Variants in POTEF observed in about 807,000 individuals in gnomAD.
POTEF encodes the protein ANKRD26-like family C member 1B.
In POTEF, 20 loss-of-function variants were observed where a neutral mutation model predicts 83.2. The observed-to-expected ratio is 0.24, with a 90% CI of 0.17 to 0.35. The LOEUF is 0.35. POTEF is among the 10% of genes least tolerant of loss of function. The pLI, the probability that POTEF is intolerant of heterozygous loss-of-function variation, is 1.00. For synonymous variants in POTEF, 196 were observed against 446.4 expected (o/e 0.44, Z 7.07); for missense variants, 550 against 1,203.2 (o/e 0.46, Z 8.03).
Position 130,120,491 on chromosome 2 carries a change from G to C in POTEF, c.25C>G (p.Pro9Ala). ...GGCTTCTTCACAGAAGAGGCAGCCGGCATGGAATCAACCTCAACCACCATC... is the reference window on the plus strand; with the variant it reads ...GGCTTCTTCACAGAAGAGGCAGCCGCCATGGAATCAACCTCAACCACCATC... MVVEVDSM[P>A]AASSVKKPFG... is the part of the protein sequence containing the mutation. Residue 9 changes from proline to alanine, a missense_variant, in exon 3 of 17, where the codon CCG (proline) becomes GCG (alanine). By Grantham distance (27) the Pro-to-Ala change is conservative. Coordinates refer to ENST00000409914, the MANE Select transcript of POTEF (RefSeq NM_001099771.2). 6.2e-7 allele frequency: 1 copy of C among 1,613,260 alleles called. No individual in the cohort carries two copies. The highest frequency in any genetic ancestry group is 1.7e-5 in the Admixed American group (1 of 60,002).
intron 13 of POTEF, among the ~76,000 whole-genome samples, chr2:130,086,673 TCTCA>T (rs1170685186): frequency 3.7e-4 from 7 of 18,710 alleles, no homozygotes; most frequent in African/African-American, 1.3e-3. Context: ...AACTTAACTT[TCTCA>T]CTATTTGTTT....
At chr2:130,119,349 G>C (rs1309839425) in intron 3 of POTEF, among the ~76,000 whole-genome samples, 2 of 151,698 alleles carry the variant, frequency 1.3e-5, no homozygotes, top group African/African-American at 4.9e-5. Context: ...ATATTTTTTA[G>C]TAGAGACAGG....
chr2:130,094,932 A>T (rs1254570190), intron 11 of POTEF, among the ~76,000 whole-genome samples: 7 of 150,598 alleles, frequency 4.6e-5, no homozygotes, highest in Admixed American at 4.0e-4. Context: ...AAAAAAATTA[A>T]TATAAAGAAT....
rs555264133 is a variant in POTEF, at chr2:130,115,422, A to G, written c.522-94T>C. Reference sequence around the variant, plus strand: ...AACTGCAAACACTGAATAGCCTGCTATTACTCTGCCTTCAAAACAAACATT... The same window carrying G: ...AACTGCAAACACTGAATAGCCTGCTGTTACTCTGCCTTCAAAACAAACATT... On this transcript the variant is annotated intron_variant, in intron 3 of 16. Transcript: ENST00000409914. The G allele has an allele frequency of 7.4e-5, 91 of 1,234,388 alleles. No homozygotes were observed. The East Asian group carries it at 7.9e-4, about 11-fold the overall frequency. 76.5% of individuals were successfully genotyped at this position (1,234,388 alleles called of 1,614,324 possible). A position where few individuals can be genotyped will look rare whatever the true frequency, so the allele number is the denominator to read the frequency against.
intron 2 of POTEF, among the ~76,000 whole-genome samples, chr2:130,125,735 A>G (rs1159064076): frequency 1.3e-5 from 2 of 151,958 alleles, no homozygotes; most frequent in Non-Finnish European, 2.9e-5. Context: ...GTGAAACCCC[A>G]TCTCTACTAA....
intron 8 of POTEF, among the ~76,000 whole-genome samples, chr2:130,102,895 A>C (rs1684413248): frequency 6.6e-6 from 1 of 151,490 alleles, no homozygotes; most frequent in Non-Finnish European, 1.5e-5. Context: ...TTTCGGATGC[A>C]AATCTGCTGA....
chr2:130,108,160 G>C, intron 7 of POTEF, 81 bp from the exon 8 acceptor site: 2 of 1,495,502 alleles, frequency 1.3e-6, no homozygotes, highest in Non-Finnish European at 1.8e-6. Flanking sequence ...ATTATTAAGA[G>C]TATTTCAAAC....
chr2:130,102,966 C>T (rs2407445), intron 8 of POTEF, among the ~76,000 whole-genome samples: 10 of 151,452 alleles, frequency 6.6e-5, no homozygotes, highest in East Asian at 3.9e-4. Context: ...CTGCCTCCTG[C>T]TTTCTGCAAC....
chr2:130,125,894 G>A (rs1459055612), intron 2 of POTEF, among the ~76,000 whole-genome samples: 28 of 149,508 alleles, frequency 1.9e-4, no homozygotes, highest in African/African-American at 6.2e-4. Flanking sequence ...GGACAAGAGC[G>A]AGACTTCATC....
intron 5 of POTEF, among the ~76,000 whole-genome samples, chr2:130,113,089 A>T (rs1255839258): frequency 7.0e-6 from 1 of 143,688 alleles, no homozygotes; most frequent in East Asian, 2.0e-4. Flanking sequence ...ACAGAGATAA[A>T]AGTCAGACTA....
At chr2:130,120,789 CA>C (rs1308855927) in intron 2 of POTEF, 181 bp from the exon 3 acceptor site, 4 of 598,498 alleles carry the variant, frequency 6.7e-6, no homozygotes, top group Non-Finnish European at 1.2e-5. Context: ...ACACCCAGCC[CA>C]CCCAAGGGAA....
In POTEF at chr2:130,075,566, G is replaced by C. The variant is rs749231702; in HGVS notation, c.1906C>G (p.Leu636Val). The C allele has an allele frequency of 5.6e-6, 9 of 1,609,396 alleles. No homozygotes were observed. Among genetic ancestry groups the C allele is most frequent in the African/African-American group, 1.4e-5 (1 of 73,896 alleles). Residue 636 changes from leucine to valine, a missense_variant, in exon 17 of 17, where the codon CTT (leucine) becomes GTT (valine). Leu to Val is a conservative substitution (Grantham distance 32). Transcript: ENST00000409914. Reference protein sequence around the residue: ...VVEKMNSELSLSCKKEKDILH... With the variant: ...VVEKMNSELSVSCKKEKDILH... ...ATGTCTTTTTCTTTCTTACAACTAA[G>C]AGAAAGCTAAGTAAACAAAGAGAAC...
intron 1 of POTEF, among the ~76,000 whole-genome samples, chr2:130,128,143 C>G (rs1348796544): frequency 1.3e-5 from 2 of 148,202 alleles, no homozygotes; most frequent in Non-Finnish European, 3.0e-5. Flanking sequence ...GCCCTCCCCA[C>G]TCAACTGCTG....
At chr2:130,107,677 G>A (rs1684580139) in intron 8 of POTEF, 2 of 327,430 alleles carry the variant, frequency 6.1e-6, no homozygotes, top group Non-Finnish European at 1.1e-5. Context: ...GCCCATCTGA[G>A]GGATCTAGGT....
Position 130,073,955 on chromosome 2 carries a change from C to T in POTEF, c.*289G>A. 3.4e-6 allele frequency: 2 copies of T among 580,542 alleles called. No homozygotes were observed. The highest frequency in any genetic ancestry group is 2.1e-5 in the South Asian group (1 of 48,710). The allele number at this position is 580,542 out of a possible 1,614,324, so 36.0% of individuals were successfully genotyped here. ...AGAAGTGGGGTGGCTTTTAGCAGGG[C>T]AAGGGGCTTCCTGAAACAATGCGTC... On this transcript the variant is annotated 3_prime_UTR_variant, in exon 17 of 17. Transcript: ENST00000409914.
rs549492111 is a variant in POTEF, at chr2:130,104,066, C to G, written c.1127-1886G>C. 1.7e-4 allele frequency among the ~76,000 whole-genome samples: 25 copies of G among 149,200 alleles called. 1 individual carries two copies. Among genetic ancestry groups the G allele is most frequent in the Admixed American group, 4.6e-4 (7 of 15,112 alleles). Reference sequence around the variant, plus strand: ...CACTTTAAATGCCAAAACCAATATTCCTACTGAACAATTATTCATTAAGAC... The same window carrying G: ...CACTTTAAATGCCAAAACCAATATTGCTACTGAACAATTATTCATTAAGAC... On this transcript the variant is annotated intron_variant, in intron 8 of 16. Coordinates refer to ENST00000409914, the MANE Select transcript of POTEF (RefSeq NM_001099771.2).
At position 130,127,700 on chromosome 2, in the gene POTEF, C is replaced by A. The variant is rs1685131283; in HGVS notation, c.-94+9G>T. 6.6e-6 allele frequency: 1 copy of A among 151,314 alleles called. No homozygotes were observed. The highest frequency in any genetic ancestry group is 2.5e-5 in the African/African-American group (1 of 39,956). 9.4% of individuals were successfully genotyped at this position (151,314 alleles called of 1,614,324 possible). ...TCCTACCACCTTGCCCCCGCGGGCA[C>A]CCTCCTACCACTCCTGTCGAGCTGC... On this transcript the variant is annotated intron_variant, in intron 2 of 16. Coordinates refer to ENST00000409914, the MANE Select transcript of POTEF (RefSeq NM_001099771.2).
intron 11 of POTEF, among the ~76,000 whole-genome samples, chr2:130,099,009 G>T (rs1684325532): frequency 1.3e-5 from 1 of 77,580 alleles, no homozygotes; most frequent in South Asian, 3.6e-4. Context: ...CTCATTACTG[G>T]GAACTAAATA....
At position 130,126,905 on chromosome 2, in the gene POTEF, G is replaced by C. The variant is rs180893258; in HGVS notation, c.-94+804C>G. ...ATGAAGAGGAACAAGAAGATGAGAA[G>C]AATACACAGACTAGAATAAGCAAAA... On this transcript the variant is annotated intron_variant, in intron 2 of 16. Coordinates refer to ENST00000409914, the MANE Select transcript of POTEF (RefSeq NM_001099771.2). Among the ~76,000 whole-genome samples the C allele has an allele frequency of 1.4e-3, 213 of 151,942 alleles. 1 individual carries two copies. The highest frequency in any genetic ancestry group is 4.9e-3 in the African/African-American group (202 of 41,302).
Sources: allele counts gnomAD v4.1 joint callset (sites outside exome capture counted in the v4.1 genomes callset), GRCh38; gene constraint gnomAD v4.1.1; transcripts MANE v1.5; gene names NCBI Gene and HGNC (gene_info 2026-07-23, HGNC 2026-07-21).